The following ALDH2 variants were observed in gnomAD, a reference collection of about 807,000 sequenced individuals.
ALDH2 encodes the protein aldehyde dehydrogenase 2 family member.
Under a neutral mutation model 59.6 loss-of-function variants are expected in ALDH2, and 44 were observed. The ratio of observed to expected loss-of-function variants is 0.74; its 90% CI spans 0.58 to 0.95. The LOEUF is 0.95. Ranked by LOEUF, ALDH2 falls within the 40% of genes least tolerant of loss-of-function variation. ALDH2 has a pLI of 0.00. For missense variants in ALDH2, 570 were observed against 696.3 expected (o/e 0.82, Z 2.04); for synonymous variants, 291 against 284.0 (o/e 1.02, Z -0.25).
chr12:111,779,907 T>C (rs543870487), intron 1 of ALDH2, among the ~76,000 whole-genome samples: 6 of 152,182 alleles, frequency 3.9e-5, no homozygotes, highest in Non-Finnish European at 8.8e-5. Flanking sequence ...TTTTTATTTT[T>C]TGAGACGGAG....
rs1336401827 is a variant in ALDH2, at chr12:111,766,998, G to C, written c.16G>C (p.Ala6Pro). The C allele has an allele frequency of 5.9e-6, 9 of 1,521,684 alleles. No individual in the cohort carries two copies. The highest frequency in any genetic ancestry group is 7.9e-6 in the Non-Finnish European group (9 of 1,141,228). The allele number at this position is 1,521,684 out of a possible 1,614,324, so 94.3% of individuals were successfully genotyped here. A position where few individuals can be genotyped will look rare whatever the true frequency, so the allele number is the denominator to read the frequency against. Residue 6 changes from alanine (A) to proline (P), a missense_variant, in exon 1 of 13, where the codon GCC (alanine) becomes CCC (proline). Physicochemically the swap from Ala to Pro is conservative, Grantham distance 27. Transcript: ENST00000261733. ...GCCCGCTGCGATGTTGCGCGCTGCC[G>C]CCCGCTTCGGGCCCCGCCTGGGCCG... MLRAAARFGPRLGRRL... is the reference protein window; with the variant it reads MLRAAPRFGPRLGRRL...
rs1383409272 is a variant in ALDH2, at chr12:111,815,082, G to A, written c.*5507G>A. The A allele has an allele frequency of 6.6e-6, 1 of 152,180 alleles. No homozygotes were observed. Among genetic ancestry groups the A allele is most frequent in the African/African-American group, 2.4e-5 (1 of 41,444 alleles). The allele number at this position is 152,180 out of a possible 1,614,324, so 9.4% of individuals were successfully genotyped here. On this transcript the variant is annotated 3_prime_UTR_variant, in exon 13 of 13. Coordinates refer to ENST00000261733, the MANE Select transcript of ALDH2 (RefSeq NM_000690.4). ...TTTCAAAAGGAAATAGATGCAGATG[G>A]TATAGAAAGTTTCAGTGAAATGTAA... is the stretch of plus-strand genomic sequence containing the variant.
chr12:111,794,014 A>ATTTTT (rs543884211), intron 9 of ALDH2, among the ~76,000 whole-genome samples: 3 of 102,936 alleles, frequency 2.9e-5, no homozygotes, highest in Non-Finnish European at 4.0e-5. Context: ...GCAACCACTG[A>ATTTTT]TTTTTTTTTT....
At chr12:111,805,696 G>A (rs1046344668) in intron 12 of ALDH2, among the ~76,000 whole-genome samples, 4 of 152,124 alleles carry the variant, frequency 2.6e-5, no homozygotes, top group Admixed American at 6.5e-5. Context: ...TTTCATAAGC[G>A]ATTAATTTGG....
intron 1 of ALDH2, among the ~76,000 whole-genome samples, chr12:111,778,164 G>A (rs2068246858): frequency 6.6e-6 from 1 of 152,184 alleles, no homozygotes; most frequent in African/African-American, 2.4e-5. Flanking sequence ...TAAAAAGGGG[G>A]CTCTAGGGTG....
chr12:111,803,309 G>T (rs1290421525), intron 11 of ALDH2, among the ~76,000 whole-genome samples: 1 of 149,060 alleles, frequency 6.7e-6, no homozygotes, highest in Non-Finnish European at 1.5e-5. Flanking sequence ...GAAAAGAAAA[G>T]AAAGCCATCC....
chr12:111,796,955 G>A (rs2136022105), intron 9 of ALDH2, among the ~76,000 whole-genome samples: 1 of 151,066 alleles, frequency 6.6e-6, no homozygotes, highest in African/African-American at 2.4e-5. Flanking sequence ...TGTTCTACAA[G>A]CTTTACTTCT....
At chr12:111,772,674 GTTT>G (rs57462838) in intron 1 of ALDH2, among the ~76,000 whole-genome samples, 2 of 124,672 alleles carry the variant, frequency 1.6e-5, no homozygotes, top group Non-Finnish European at 1.6e-5. Flanking sequence ...TTTTTTTTTG[GTTT>G]TTTTTTTTTT....
intron 6 of ALDH2, among the ~76,000 whole-genome samples, 170 bp downstream of exon 6, chr12:111,790,732 C>T (rs2068351532): frequency 6.6e-6 from 1 of 152,084 alleles, no homozygotes; most frequent in Non-Finnish European, 1.5e-5. Context: ...CATTGGACTT[C>T]ACTGCAAGAT....
intron 1 of ALDH2, among the ~76,000 whole-genome samples, chr12:111,774,252 C>A (rs930604187): frequency 6.6e-6 from 1 of 152,118 alleles, no homozygotes; most frequent in Admixed American, 6.5e-5. Context: ...GAGATGACTG[C>A]CCCTCGCCTT....
chr12:111,809,557 G>C lies in ALDH2; in HGVS notation c.1536G>C (p.Val512=). ...YTEVKTVTVK[V]PQKNS is the part of the protein sequence containing the mutation. The stretch of plus-strand genomic sequence containing the variant: ...CCCCCTTACAGGTCACAGTCAAAGT[G>C]CCTCAGAAGAACTCATAAGAATCAT... Residue 512 remains valine, a synonymous_variant, in exon 13 of 13, where the codon GTG becomes GTC. Coordinates refer to ENST00000261733, the MANE Select transcript of ALDH2 (RefSeq NM_000690.4). 1 of 1,614,178 alleles carries C rather than the reference G, an allele frequency of 6.2e-7. No individual in the cohort carries two copies. The highest frequency in any genetic ancestry group is 8.5e-7 in the Non-Finnish European group (1 of 1,180,036).
intron 1 of ALDH2, among the ~76,000 whole-genome samples, chr12:111,780,883 G>T (rs989635200): frequency 9.2e-5 from 14 of 152,118 alleles, no homozygotes; most frequent in Non-Finnish European, 5.9e-5. Context: ...AGGACCTTGG[G>T]TGGCTGAGGA....
chr12:111,783,392 G>C, intron 3 of ALDH2, 94 bp downstream of exon 3: 1 of 1,456,906 alleles, frequency 6.9e-7, no homozygotes, highest in South Asian at 1.4e-5. Context: ...CCTGTGAACA[G>C]CCAGGGAACA....
chr12:111,801,051 C>T (rs542753887), intron 11 of ALDH2, among the ~76,000 whole-genome samples: 67 of 152,252 alleles, frequency 4.4e-4, no homozygotes, highest in South Asian at 4.1e-3. Flanking sequence ...TTGCAGAGAC[C>T]GGGTAATTTA....
rs2068559074 is a variant in ALDH2 at position 111,814,604 on chromosome 12, G to T, written c.*5029G>T. On this transcript the variant is annotated 3_prime_UTR_variant, in exon 13 of 13. Coordinates refer to ENST00000261733, the MANE Select transcript of ALDH2 (RefSeq NM_000690.4). ...TCATGCCTGTAATCTCAGCATTTTG[G>T]GATACTGAGGCGGGTGGATTACCTG... 2 of 151,496 alleles carry T rather than the reference G, an allele frequency of 1.3e-5. No homozygotes were observed. The highest frequency in any genetic ancestry group is 1.3e-4 in the Admixed American group (2 of 15,206). 9.4% of individuals were successfully genotyped at this position (151,496 alleles called of 1,614,324 possible).
intron 1 of ALDH2, among the ~76,000 whole-genome samples, chr12:111,777,550 G>A (rs545704006): frequency 6.6e-6 from 1 of 152,258 alleles, no homozygotes; most frequent in East Asian, 1.9e-4. Flanking sequence ...GTGCTACAGG[G>A]GGAAGGAGAG....
At chr12:111,793,065 T>C (rs951120915) in intron 9 of ALDH2, among the ~76,000 whole-genome samples, 2 of 151,720 alleles carry the variant, frequency 1.3e-5, no homozygotes, top group African/African-American at 2.4e-5. Context: ...CAAAAGGGAG[T>C]GTGTGTTTCC....
intron 1 of ALDH2, among the ~76,000 whole-genome samples, chr12:111,779,332 G>A (rs2068254911): frequency 6.6e-6 from 1 of 152,068 alleles, no homozygotes; most frequent in Non-Finnish European, 1.5e-5. Context: ...TGGGATTACA[G>A]GCGCATGCGA....
At chr12:111,800,273 C>A (rs771996854) in intron 11 of ALDH2, among the ~76,000 whole-genome samples, 4 of 152,204 alleles carry the variant, frequency 2.6e-5, no homozygotes, top group Non-Finnish European at 5.9e-5. Context: ...CTGAACTTGG[C>A]AGGCAGCGGA....
Sources: gnomAD v4.1 joint callset for allele counts (sites outside exome capture counted in the v4.1 genomes callset) on GRCh38, gnomAD v4.1.1 for gene constraint, MANE v1.5 for transcripts, NCBI Gene and HGNC (gene_info 2026-07-23, HGNC 2026-07-21) for gene names.